TENM3: variants seen among roughly 807,000 people sequenced by gnomAD.
TENM3 encodes the protein teneurin transmembrane protein 3.
A neutral mutation model predicts 255.1 loss-of-function variants in TENM3; 63 were observed. The observed-to-expected ratio is 0.25, with a 90% CI of 0.20 to 0.30. The LOEUF (loss-of-function observed/expected upper bound fraction) is 0.30. TENM3 is among the 10% of genes least tolerant of loss of function. The pLI, the probability that TENM3 is intolerant of heterozygous loss-of-function variation, is 1.00. For synonymous variants in TENM3, 1,306 were observed against 1,322.3 expected (o/e 0.99, Z 0.27); for missense variants, 2,929 against 3,461.1 (o/e 0.85, Z 3.86).
intron 1 of TENM3, among the ~76,000 whole-genome samples, chr4:182,154,598 G>A (rs1469856841): frequency 6.6e-6 from 1 of 152,142 alleles, no homozygotes; most frequent in African/African-American, 2.4e-5. Context: ...TTCCATTTAT[G>A]CCAGATGACC....
the TENM3 span, among the ~76,000 whole-genome samples, chr4:181,548,319 C>T: frequency 6.6e-6 from 1 of 152,024 alleles, no homozygotes; most frequent in Non-Finnish European, 1.5e-5. Context: ...GGGTATATAC[C>T]CAAAGGATTA....
chr4:181,605,510 GAA>G, the TENM3 span, among the ~76,000 whole-genome samples: 7 of 15,940 alleles, frequency 4.4e-4, 3 homozygotes, highest in African/African-American at 4.9e-4. Context: ...AAGAAAGAAA[GAA>G]AGAAAGAAAG....
At chr4:182,093,540 G>T in the TENM3 span, among the ~76,000 whole-genome samples, 4 of 152,186 alleles carry the variant, frequency 2.6e-5, no homozygotes, top group African/African-American at 9.7e-5. Flanking sequence ...AGGAGGCAGA[G>T]TGCAGAGACA....
the TENM3 span, among the ~76,000 whole-genome samples, chr4:182,036,770 C>G: frequency 6.6e-6 from 1 of 152,104 alleles, no homozygotes; most frequent in South Asian, 2.1e-4. Flanking sequence ...GGCAAGTGAG[C>G]CCCTAAAAAA....
At chr4:182,509,937 CAAA>C (rs55817843) in intron 3 of TENM3, among the ~76,000 whole-genome samples, 4,584 of 104,798 alleles carry the variant, frequency 0.044, 100 homozygotes, top group African/African-American at 0.1. Context: ...AACTCTGTCT[CAAA>C]AAAAAAAAAA....
At chr4:182,672,978 C>A in intron 6 of TENM3, 27 bp from the exon 7 acceptor site, 1 of 1,441,230 alleles carries the variant, frequency 6.9e-7, no homozygotes, top group Non-Finnish European at 9.4e-7. Flanking sequence ...AAAATTTGTT[C>A]TTCATCAGTG....
chr4:181,640,341 A>C, the TENM3 span, among the ~76,000 whole-genome samples: 1 of 152,194 alleles, frequency 6.6e-6, no homozygotes, highest in Non-Finnish European at 1.5e-5. Context: ...AAAAGAAGCA[A>C]CTGGAAAGTG....
At chr4:181,654,230 G>GAAAAAA in the TENM3 span, among the ~76,000 whole-genome samples, 2 of 110,564 alleles carry the variant, frequency 1.8e-5, no homozygotes, top group Non-Finnish European at 1.9e-5. Flanking sequence ...CTGCCTTCAG[G>GAAAAAA]AAAAAAAAAA....
intron 3 of TENM3, among the ~76,000 whole-genome samples, chr4:182,599,029 G>A (rs1462074038): frequency 2.0e-5 from 3 of 151,984 alleles, no homozygotes; most frequent in Non-Finnish European, 4.4e-5. Context: ...TTTTTCCTTG[G>A]AAACATTTCT....
chr4:181,867,651 G>A, the TENM3 span, among the ~76,000 whole-genome samples: 1 of 152,124 alleles, frequency 6.6e-6, no homozygotes, highest in Non-Finnish European at 1.5e-5. Context: ...TCATTTTATA[G>A]TTATGTAGAA....
intron 16 of TENM3, 124 bp from the exon 17 acceptor site, chr4:182,736,684 G>A (rs994538903): frequency 2.2e-6 from 2 of 915,428 alleles, no homozygotes; most frequent in Non-Finnish European, 3.2e-6. Flanking sequence ...GTCTTTGTGA[G>A]TAAGTAAACT....
chr4:182,057,964 A>T, the TENM3 span, among the ~76,000 whole-genome samples: 1 of 152,126 alleles, frequency 6.6e-6, no homozygotes, highest in South Asian at 2.1e-4. Flanking sequence ...AGTTTTTAAA[A>T]ATATATATGT....
At chr4:182,567,865 A>G (rs1209072908) in intron 3 of TENM3, among the ~76,000 whole-genome samples, 2 of 151,720 alleles carry the variant, frequency 1.3e-5, no homozygotes, top group Non-Finnish European at 2.9e-5. Flanking sequence ...AAAAACAGAA[A>G]TAGGCTCTGT....
At chr4:182,750,662 CAAAT>C (rs1217873536) in intron 19 of TENM3, among the ~76,000 whole-genome samples, 2 of 151,866 alleles carry the variant, frequency 1.3e-5, no homozygotes, top group African/African-American at 2.4e-5. Context: ...TAGATGTTCA[CAAAT>C]AAAATAAATG....
chr4:181,961,599 T>G, the TENM3 span, among the ~76,000 whole-genome samples: 1 of 152,086 alleles, frequency 6.6e-6, no homozygotes, highest in Non-Finnish European at 1.5e-5. Context: ...TTTTGTGTTT[T>G]TAGTAGAGAC....
At chr4:182,733,962 CTT>C (rs1288346938) in intron 16 of TENM3, among the ~76,000 whole-genome samples, 1 of 152,128 alleles carries the variant, frequency 6.6e-6, no homozygotes. Context: ...TACATGGAGT[CTT>C]TTCTCCATTC....
chr4:181,891,413 G>C, the TENM3 span, among the ~76,000 whole-genome samples: 1 of 152,092 alleles, frequency 6.6e-6, no homozygotes, highest in Non-Finnish European at 1.5e-5. Context: ...CTACCACTCA[G>C]CACCTGCCAT....
At chr4:182,263,081 T>C (rs761392216) in intron 1 of TENM3, among the ~76,000 whole-genome samples, 4 of 152,252 alleles carry the variant, frequency 2.6e-5, no homozygotes, top group South Asian at 2.1e-4. Flanking sequence ...ATGGGGACCC[T>C]TTCCTGTATC....
chr4:181,815,186 T>C, the TENM3 span, among the ~76,000 whole-genome samples: 2 of 151,926 alleles, frequency 1.3e-5, no homozygotes, highest in South Asian at 4.2e-4. Flanking sequence ...GCATGGTGGC[T>C]CACACCTGTA....
Sources: allele counts gnomAD v4.1 joint callset (sites outside exome capture counted in the v4.1 genomes callset), GRCh38; gene constraint gnomAD v4.1.1; transcripts MANE v1.5; gene names NCBI Gene and HGNC (gene_info 2026-07-23, HGNC 2026-07-21).